ABCC8: variants seen among roughly 807,000 people sequenced by gnomAD.
The protein encoded by ABCC8 is ATP-binding cassette sub-family C member 8.
A neutral mutation model predicts 188.0 loss-of-function variants in ABCC8; 137 were observed. The ratio of observed to expected loss-of-function variants is 0.73; its 90% CI spans 0.63 to 0.84. The LOEUF is 0.84. Ranked by LOEUF, ABCC8 falls within the 40% of genes least tolerant of loss-of-function variation. ABCC8 has a pLI of 0.00. For missense variants in ABCC8, 1,750 were observed against 2,072.7 expected, an observed-to-expected ratio of 0.84 and a Z score of 3.02; for synonymous variants, 797 against 846.5, an observed-to-expected ratio of 0.94 and a Z score of 1.01.
chr11:17,393,690 C>A lies in ABCC8; in HGVS notation c.4608+7G>T. The A allele has an allele frequency of 6.2e-7, 1 of 1,614,210 alleles. No individual in the cohort carries two copies. The highest frequency in any genetic ancestry group is 8.5e-7 in the Non-Finnish European group (1 of 1,180,014). On this transcript the variant is annotated splice_region_variant and intron_variant, in intron 38 of 38. Transcript: ENST00000389817. ...GTCCCTCTGCACCCCATCAATGGGC[C>A]CCTTACCGCGATGGTGACCACAGTG...
chr11:17,410,482 C>T, intron 22 of ABCC8, 34 bp downstream of exon 22: 3 of 1,610,998 alleles, frequency 1.9e-6, no homozygotes, highest in Non-Finnish European at 1.7e-6. Flanking sequence ...CCCAGCCCTG[C>T]CCCCTATAGC....
chr11:17,450,304 TTCTTTCTTTCTTTCTTTCTTTC>T (rs1564959164), intron 7 of ABCC8, among the ~76,000 whole-genome samples: 147 of 138,698 alleles, frequency 1.1e-3, no homozygotes, highest in African/African-American at 3.9e-3. Flanking sequence ...CTTTCTTTCT[TTCTTTCTTTCTTTCTTTCTTTC>T]TCTCTCTCTC....
intron 16 of ABCC8, among the ~76,000 whole-genome samples, chr11:17,426,147 C>T (rs190137536): frequency 2.0e-5 from 3 of 152,250 alleles, no homozygotes; most frequent in Non-Finnish European, 4.4e-5. Context: ...AATAAACATA[C>T]GTCTGCATGT....
chr11:17,442,633 C>A (rs1374102360), intron 10 of ABCC8, 87 bp downstream of exon 10: 2 of 1,365,026 alleles, frequency 1.5e-6, no homozygotes, highest in Admixed American at 3.4e-5. Context: ...TGCTTCTGTC[C>A]CTGCACCCCC....
rs901033023 is a variant in ABCC8 at position 17,407,064 on chromosome 11, G to C, written c.2986C>G (p.Pro996Ala). The C allele has an allele frequency of 6.2e-7, 1 of 1,614,066 alleles. No individual in the cohort carries two copies. Among genetic ancestry groups the C allele is most frequent in the Non-Finnish European group, 8.5e-7 (1 of 1,180,040 alleles). The change falls in exon 25 of 39, where the codon CCA becomes GCA. Residue 996 changes from proline to alanine, a missense_variant. Pro to Ala is a conservative substitution (Grantham distance 27). Coordinates refer to ENST00000389817, the MANE Select transcript of ABCC8 (RefSeq NM_000352.6). Reference protein sequence around the residue: ...SSMLHQRAEIPWRACAKYLSS... With the variant: ...SSMLHQRAEIAWRACAKYLSS... The stretch of plus-strand genomic sequence containing the variant: ...AGGTACTTGGCGCAGGCTCGCCATG[G>C]GATCTCAGCACGCTGGTGCAGCATG...
rs533490712 is a variant in ABCC8, at chr11:17,405,637, A to T, written c.3330-74T>A. 1.2e-4 allele frequency: 186 copies of T among 1,611,926 alleles called. No homozygotes were observed. In the African/African-American group the frequency reaches 2.1e-3, roughly 19 times the overall value. On this transcript the variant is annotated intron_variant, in intron 26 of 38. Transcript: ENST00000389817. ...TCCTGTTTACTGAATGAGATAGTTA[A>T]TTATTTCATGTAAGTGTCTCTGGAG...
At chr11:17,393,592 G>A in intron 38 of ABCC8, 105 bp downstream of exon 38, 2 of 1,547,816 alleles carry the variant, frequency 1.3e-6, no homozygotes, top group Non-Finnish European at 1.8e-6. Context: ...GTTCTTTCTT[G>A]ATTACTGGGA....
At chr11:17,400,447 C>T (rs1954179485) in intron 29 of ABCC8, among the ~76,000 whole-genome samples, 2 of 152,148 alleles carry the variant, frequency 1.3e-5, no homozygotes, top group African/African-American at 4.8e-5. Context: ...GACAGTGTGT[C>T]TGAGGACTAG....
At chr11:17,476,049 C>T (rs939262466) in intron 1 of ABCC8, among the ~76,000 whole-genome samples, 2 of 152,140 alleles carry the variant, frequency 1.3e-5, no homozygotes, top group Non-Finnish European at 2.9e-5. Flanking sequence ...GGTGGGGTGG[C>T]GGGGGAAGGG....
Position 17,428,305 on chromosome 11 carries a change from T to A in ABCC8, c.2024A>T (p.Asp675Val), listed in dbSNP as rs367780278. ...AGGACTCACCTGGACACAGCAGTTG[T>A]CAGCATCGCCATCTGCACTGGGGAC... is the stretch of plus-strand genomic sequence containing the variant. ...SLVPSADGDA[D>V]NCCVQIMGGY... Residue 675 changes from aspartate to valine, a missense_variant, in exon 14 of 39, where the codon GAC (aspartate) becomes GTC (valine). Coordinates refer to ENST00000389817, the MANE Select transcript of ABCC8 (RefSeq NM_000352.6). 2.5e-6 allele frequency: 4 copies of A among 1,614,152 alleles called. No individual in the cohort carries two copies. Among genetic ancestry groups the A allele is most frequent in the Non-Finnish European group, 3.4e-6 (4 of 1,180,028 alleles).
In ABCC8 at chr11:17,436,016, T is replaced by A. The variant is rs550998729; in HGVS notation, c.1631-3772A>T. 768 of 1,373,438 alleles carry A rather than the reference T, an allele frequency of 5.6e-4. 1 individual carries two copies. The highest frequency in any genetic ancestry group is 7.2e-4 in the Non-Finnish European group (698 of 962,842). 85.1% of individuals were successfully genotyped at this position (1,373,438 alleles called of 1,614,324 possible). On this transcript the variant is annotated intron_variant, in intron 10 of 38. Coordinates refer to ENST00000389817, the MANE Select transcript of ABCC8 (RefSeq NM_000352.6). ...GGAAGAGACCAACTGTAGATAGTGATGTGGGGAGATATGGGACAGTTTGAA... is the reference window on the plus strand; with the variant it reads ...GGAAGAGACCAACTGTAGATAGTGAAGTGGGGAGATATGGGACAGTTTGAA...
rs200687571 is a variant in ABCC8 at position 17,470,215 on chromosome 11, C to T, written c.298G>A (p.Glu100Lys). The T allele has an allele frequency of 2.6e-5, 42 of 1,614,058 alleles. No homozygotes were observed. The highest frequency in any genetic ancestry group is 2.5e-4 in the Admixed American group (15 of 60,012). Residue 100 changes from glutamate to lysine, a missense_variant, in exon 3 of 39, where the codon GAA becomes AAA. Glu to Lys is a moderately conservative substitution (Grantham distance 56). Transcript: ENST00000389817. Reference protein sequence around the residue: ...AEGILSDGVTESHHLHLYMPA... With the variant: ...AEGILSDGVTKSHHLHLYMPA... Reference sequence around the variant, plus strand: ...ATGTACAGGTGCAGATGGTGGGATTCGGTCACCCTGAGATGGGAGAGAGAA... The same window carrying T: ...ATGTACAGGTGCAGATGGTGGGATTTGGTCACCCTGAGATGGGAGAGAGAA...
intron 6 of ABCC8, among the ~76,000 whole-genome samples, chr11:17,453,553 A>G (rs1956889183): frequency 6.6e-6 from 1 of 152,152 alleles, no homozygotes; most frequent in African/African-American, 2.4e-5. Flanking sequence ...GCCCATAAAT[A>G]TGACTCTTAG....
At chr11:17,398,189 A>G in intron 30 of ABCC8, 150 bp downstream of exon 30, 1 of 1,064,072 alleles carries the variant, frequency 9.4e-7, no homozygotes, top group Non-Finnish European at 1.4e-6. Context: ...GCTAGACACT[A>G]GGAGGACCAC....
At chr11:17,428,268 G>A (rs757123142) in intron 14 of ABCC8, 21 bp downstream of exon 14, 3 of 1,613,950 alleles carry the variant, frequency 1.9e-6, no homozygotes, top group Non-Finnish European at 2.5e-6. Flanking sequence ...GGGTGGCCAG[G>A]CATGGGGCAG....
chr11:17,394,476 G>A, intron 36 of ABCC8, 77 bp from the exon 37 acceptor site: 6 of 1,608,786 alleles, frequency 3.7e-6, no homozygotes, highest in Non-Finnish European at 5.1e-6. Flanking sequence ...ATGGCTTGGG[G>A]GGCTGTTGGA....
intron 11 of ABCC8, among the ~76,000 whole-genome samples, chr11:17,431,924 C>T (rs1249386529): frequency 3.3e-5 from 5 of 152,234 alleles, no homozygotes; most frequent in African/African-American, 1.2e-4. Flanking sequence ...ACATGTTTCA[C>T]TTTAAAAATT....
In ABCC8 at chr11:17,410,637, G is replaced by A. The variant is rs776510074; in HGVS notation, c.2573C>T (p.Ala858Val). 1 of 1,614,068 alleles carries A rather than the reference G, an allele frequency of 6.2e-7. No homozygotes were observed. Among genetic ancestry groups the A allele is most frequent in the South Asian group, 1.1e-5 (1 of 91,076 alleles). Residue 858 changes from alanine to valine, a missense_variant, in exon 22 of 39, where the codon GCT becomes GTT. Physicochemically the swap from Ala to Val is moderately conservative, Grantham distance 64. Transcript: ENST00000389817. ...NVVFLDDPFS[A>V]LDIHLSDHLM... ...GTGGTCACTCAGATGGATATCCAGA[G>A]CTGAGAAGGGGTCATCCTGGGCAGA...
In ABCC8 at chr11:17,394,461, A is replaced by G. The variant is rs1049557491; in HGVS notation, c.4412-62T>C. On this transcript the variant is annotated intron_variant, in intron 36 of 38. Coordinates refer to ENST00000389817, the MANE Select transcript of ABCC8 (RefSeq NM_000352.6). ...TAATCTTGTGCTGTGAGTGGAGCAG[A>G]TGGGATGGCTTGGGGGGCTGTTGGA... 16 of 1,612,552 alleles carry G rather than the reference A, an allele frequency of 9.9e-6. No homozygotes were observed. In the Admixed American group the frequency reaches 1.0e-4, roughly 10 times the overall value.
Sources: allele counts gnomAD v4.1 joint callset (sites outside exome capture counted in the v4.1 genomes callset), GRCh38; gene constraint gnomAD v4.1.1; transcripts MANE v1.5; gene names NCBI Gene and HGNC (gene_info 2026-07-23, HGNC 2026-07-21).